The following EFCAB5 variants were observed in gnomAD, a reference collection of about 807,000 sequenced individuals.
EFCAB5 encodes EF-hand calcium-binding domain-containing protein 5.
Under a neutral mutation model 167.9 loss-of-function variants are expected in EFCAB5, and 131 were observed. The ratio of observed to expected loss-of-function variants is 0.78; its 90% CI spans 0.68 to 0.90. The LOEUF is 0.90. Ranked by LOEUF, EFCAB5 falls within the 40% of genes least tolerant of loss-of-function variation. The pLI is 0.00. For missense variants in EFCAB5, 1,663 were observed against 1,745.2 expected (o/e 0.95, Z 0.84); for synonymous variants, 574 against 602.8 (o/e 0.95, Z 0.70).
chr17:30,051,230 C>A lies in EFCAB5; in HGVS notation c.1300+13C>A. On this transcript the variant is annotated intron_variant, in intron 9 of 22. Transcript: ENST00000394835. ...AACCCACGACAATGTAAGTGCCGCT[C>A]AGAGGGAGTATGTTCAAGCTGGAGT... The A allele has an allele frequency of 1.2e-6, 2 of 1,611,920 alleles. No individual in the cohort carries two copies. The highest frequency in any genetic ancestry group is 1.1e-5 in the South Asian group (1 of 91,014).
At chr17:29,961,708 C>T (rs968956660) in intron 3 of EFCAB5, among the ~76,000 whole-genome samples, 5 of 152,100 alleles carry the variant, frequency 3.3e-5, no homozygotes, top group Non-Finnish European at 7.4e-5. Context: ...CCTACCTCAG[C>T]TTCCCAAGTA....
intron 1 of EFCAB5, among the ~76,000 whole-genome samples, chr17:29,935,024 C>CA (rs200614770): frequency 7.4e-4 from 111 of 149,336 alleles, no homozygotes; most frequent in Non-Finnish European, 1.1e-3. Context: ...AAAAGTGAGT[C>CA]AAAAAAAAAG....
intron 3 of EFCAB5, among the ~76,000 whole-genome samples, chr17:29,963,928 G>T (rs1597588442): frequency 6.6e-6 from 1 of 152,020 alleles, no homozygotes; most frequent in African/African-American, 2.4e-5. Context: ...AAAAGAGCCT[G>T]GTACCCCTTC....
At chr17:30,046,157 T>A (rs1426634660) in intron 8 of EFCAB5, among the ~76,000 whole-genome samples, 1 of 152,256 alleles carries the variant, frequency 6.6e-6, no homozygotes. Context: ...CTGGCAGTGA[T>A]GAAAATGTGC....
intron 1 of EFCAB5, among the ~76,000 whole-genome samples, chr17:29,934,948 T>C (rs1465339502): frequency 6.6e-6 from 1 of 151,990 alleles, no homozygotes; most frequent in Non-Finnish European, 1.5e-5. Flanking sequence ...ATTCATTGCA[T>C]ACCAAATGAA....
chr17:30,001,671 A>C (rs1406371850), intron 7 of EFCAB5, among the ~76,000 whole-genome samples: 2 of 152,242 alleles, frequency 1.3e-5, no homozygotes, highest in Admixed American at 1.3e-4. Context: ...AAGATAATAT[A>C]AGTTCATTAT....
intron 4 of EFCAB5, among the ~76,000 whole-genome samples, chr17:29,978,765 A>T (rs750063561): frequency 1.3e-5 from 2 of 152,244 alleles, no homozygotes; most frequent in African/African-American, 4.8e-5. Flanking sequence ...GATTTTCCGT[A>T]TAATTCCATT....
intron 10 of EFCAB5, 137 bp downstream of exon 10, chr17:30,054,285 T>A: frequency 9.2e-7 from 1 of 1,090,684 alleles, no homozygotes; most frequent in Non-Finnish European, 1.3e-6. Flanking sequence ...CATATTTTGC[T>A]GCTCCACATT....
At chr17:30,051,963 T>C (rs2070110903) in intron 9 of EFCAB5, among the ~76,000 whole-genome samples, 1 of 152,110 alleles carries the variant, frequency 6.6e-6, no homozygotes, top group South Asian at 2.1e-4. Flanking sequence ...TGGGGTTTAT[T>C]TTTATTTTTT....
intron 1 of EFCAB5, among the ~76,000 whole-genome samples, chr17:29,934,876 C>G (rs1258123233): frequency 6.6e-6 from 1 of 152,146 alleles, no homozygotes; most frequent in Non-Finnish European, 1.5e-5. Context: ...TCAACCACTC[C>G]AGTTATTTTA....
At chr17:29,977,112 G>T (rs2068077880) in intron 4 of EFCAB5, among the ~76,000 whole-genome samples, 1 of 151,986 alleles carries the variant, frequency 6.6e-6, no homozygotes, top group Non-Finnish European at 1.5e-5. Context: ...CTTTTAGTAT[G>T]CTTTGTAAAA....
intron 21 of EFCAB5, among the ~76,000 whole-genome samples, chr17:30,092,473 C>G (rs1051081757): frequency 6.6e-6 from 1 of 152,100 alleles, no homozygotes; most frequent in African/African-American, 2.4e-5. Flanking sequence ...CTGCAACCTC[C>G]ACCTCCTGGG....
At position 29,941,735 on chromosome 17, in the gene EFCAB5, G is replaced by A. The variant is rs766052699; in HGVS notation, c.-62G>A. The A allele has an allele frequency of 1.4e-6, 2 of 1,408,056 alleles. No homozygotes were observed. The highest frequency in any genetic ancestry group is 1.9e-6 in the Non-Finnish European group (2 of 1,029,312). The allele number at this position is 1,408,056 out of a possible 1,614,324, so 87.2% of individuals were successfully genotyped here. A position where few individuals can be genotyped will look rare whatever the true frequency, so the allele number is the denominator to read the frequency against. On this transcript the variant is annotated 5_prime_UTR_variant, in exon 1 of 23. Coordinates refer to ENST00000394835, the MANE Select transcript of EFCAB5 (RefSeq NM_198529.4). The stretch of plus-strand genomic sequence containing the variant: ...GTTTATTAATATTTTCTTTCTTTTT[G>A]TTATTAATACTGGTCTAGTAATATT...
intron 22 of EFCAB5, among the ~76,000 whole-genome samples, chr17:30,101,754 G>A (rs969858753): frequency 3.3e-5 from 5 of 152,248 alleles, no homozygotes; most frequent in Non-Finnish European, 4.4e-5. Context: ...TGGGGTCAAG[G>A]TTTTGTTTTG....
intron 7 of EFCAB5, among the ~76,000 whole-genome samples, chr17:30,003,949 T>G (rs1424505759): frequency 6.6e-6 from 1 of 152,214 alleles, no homozygotes; most frequent in Non-Finnish European, 1.5e-5. Flanking sequence ...AGTTCTTGTC[T>G]CACAACTAGG....
chr17:30,045,458 C>CA (rs11291669), intron 8 of EFCAB5, among the ~76,000 whole-genome samples: 822 of 80,118 alleles, frequency 0.01, 8 homozygotes, highest in African/African-American at 0.016. Context: ...GCTCTGTCTC[C>CA]AAAAAAAAAA....
Position 30,082,964 on chromosome 17 carries a change from C to A in EFCAB5, c.3500C>A (p.Thr1167Asn). The A allele has an allele frequency of 6.2e-7, 1 of 1,614,026 alleles. No homozygotes were observed. Among genetic ancestry groups the A allele is most frequent in the South Asian group, 1.1e-5 (1 of 91,086 alleles). ...SREHILHIVI[T>N]GIGWLYDVTS... is the part of the protein sequence containing the mutation. ...GAGCACATTCTGCATATTGTGATCA[C>A]TGGCATAGGCTGGCTTTATGACGTC... Residue 1167 changes from threonine to asparagine, a missense_variant, in exon 18 of 23, where the codon ACT (threonine) becomes AAT (asparagine). Coordinates refer to ENST00000394835, the MANE Select transcript of EFCAB5 (RefSeq NM_198529.4).
chr17:30,080,453 C>T (rs1416700708), intron 16 of EFCAB5, among the ~76,000 whole-genome samples: 2 of 152,116 alleles, frequency 1.3e-5, no homozygotes, highest in Admixed American at 6.5e-5. Context: ...CATGGGGACT[C>T]TGCGTCACAA....
chr17:30,059,383 C>A, intron 13 of EFCAB5, 162 bp from the exon 14 acceptor site: 2 of 625,018 alleles, frequency 3.2e-6, no homozygotes, highest in Non-Finnish European at 4.8e-6. Context: ...TACAGGGATG[C>A]ACCACTGCTG....
Sources: allele counts gnomAD v4.1 joint callset (sites outside exome capture counted in the v4.1 genomes callset), GRCh38; gene constraint gnomAD v4.1.1; transcripts MANE v1.5; gene names NCBI Gene and HGNC (gene_info 2026-07-23, HGNC 2026-07-21).